Variants in SUV39H2 observed in about 807,000 individuals in gnomAD.
SUV39H2 encodes SUV39H2 histone lysine methyltransferase, also known as histone-lysine N-methyltransferase SUV39H2.
SUV39H2 carries 10 observed loss-of-function variants against 47.5 expected under a neutral mutation model. The ratio of observed to expected loss-of-function variants is 0.21; its 90% CI spans 0.13 to 0.36. The LOEUF is 0.36. Ranked by LOEUF, SUV39H2 falls within the 10% of genes least tolerant of loss-of-function variation. The probability of loss-of-function intolerance (pLI) is 1.00; values close to 1 mark genes in which losing one functional copy is unlikely to be tolerated. For missense variants in SUV39H2, 266 were observed against 487.4 expected, an observed-to-expected ratio of 0.55 and a Z score of 4.28; for synonymous variants, 159 against 166.8, an observed-to-expected ratio of 0.95 and a Z score of 0.36.
chr10:14,886,865 T>C (rs1833226837), intron 2 of SUV39H2, among the ~76,000 whole-genome samples: 1 of 152,198 alleles, frequency 6.6e-6, no homozygotes, highest in South Asian at 2.1e-4. Flanking sequence ...GCACCTTGGA[T>C]AGGTCACAGA....
chr10:14,891,122 G>T (rs1203986995), intron 2 of SUV39H2, among the ~76,000 whole-genome samples: 3 of 152,220 alleles, frequency 2.0e-5, no homozygotes, highest in Admixed American at 2.0e-4. Flanking sequence ...GGGTATGAGA[G>T]ACAGGAAAGA....
chr10:14,895,365 A>G (rs1291154290), intron 2 of SUV39H2, among the ~76,000 whole-genome samples: 3 of 152,022 alleles, frequency 2.0e-5, no homozygotes, highest in East Asian at 1.9e-4. Context: ...TTTAGTAGAC[A>G]GGGTTTCGCC....
chr10:14,900,622 T>C (rs1833940376), intron 4 of SUV39H2, among the ~76,000 whole-genome samples: 1 of 152,250 alleles, frequency 6.6e-6, no homozygotes, highest in Admixed American at 6.5e-5. Context: ...TTTTCTTGCA[T>C]ATTCCGTAAG....
chr10:14,881,446 T>G, intron 1 of SUV39H2, 54 bp from the exon 2 acceptor site: 3 of 1,324,164 alleles, frequency 2.3e-6, no homozygotes, highest in Non-Finnish European at 2.9e-6. Flanking sequence ...TTCTCTTTTT[T>G]GTTTTAATTG....
At chr10:14,897,718 G>A (rs150316699) in intron 3 of SUV39H2, 19 of 379,270 alleles carry the variant, frequency 5.0e-5, no homozygotes, top group Non-Finnish European at 7.3e-5. Context: ...AAAAATATAC[G>A]TTAAAACAAA....
chr10:14,897,499 C>A lies in SUV39H2; in HGVS notation c.831C>A (p.Val277=). Residue 277 remains valine, a synonymous_variant, in exon 3 of 6, where the codon GTC becomes GTA. Coordinates refer to ENST00000354919, the MANE Select transcript of SUV39H2 (RefSeq NM_001193424.2). The stretch of plus-strand genomic sequence containing the variant: ...TGAAGATTAAAAGAATGAGTTTTGT[C>A]ATGGAATATGTTGGAGAGGTATGTT... ...TLVKIKRMSF[V]MEYVGEVITS... 1 of 1,564,020 alleles carries A rather than the reference C, an allele frequency of 6.4e-7. No homozygotes were observed. Among genetic ancestry groups the A allele is most frequent in the South Asian group, 1.2e-5 (1 of 83,464 alleles).
chr10:14,901,381 A>G, intron 5 of SUV39H2, 119 bp downstream of exon 5: 2 of 1,356,362 alleles, frequency 1.5e-6, no homozygotes, highest in Non-Finnish European at 2.0e-6. Context: ...AAGTTGAGGC[A>G]CTAAGTTTGT....
In SUV39H2 at chr10:14,903,832, A is replaced by G. The variant is rs1467928498; in HGVS notation, c.*1320A>G. ...ATTGCTCCAGGCTTTGATTACCTAAAATAAGCTTGGATAAAATTGAACCAA... is the reference window on the plus strand; with the variant it reads ...ATTGCTCCAGGCTTTGATTACCTAAGATAAGCTTGGATAAAATTGAACCAA... On this transcript the variant is annotated 3_prime_UTR_variant, in exon 6 of 6. Coordinates refer to ENST00000354919, the MANE Select transcript of SUV39H2 (RefSeq NM_001193424.2). 1 of 152,214 alleles carries G rather than the reference A, an allele frequency of 6.6e-6. No individual in the cohort carries two copies. Among genetic ancestry groups the G allele is most frequent in the African/African-American group, 2.4e-5 (1 of 41,450 alleles). The allele number at this position is 152,214 out of a possible 1,614,324, so 9.4% of individuals were successfully genotyped here.
At chr10:14,895,180 ATTTTT>A (rs61175237) in intron 2 of SUV39H2, among the ~76,000 whole-genome samples, 18 of 139,658 alleles carry the variant, frequency 1.3e-4, no homozygotes, top group African/African-American at 4.6e-4. Context: ...TTTTACTTTT[ATTTTT>A]TTTTTTTTTG....
rs1340217451 is a variant in SUV39H2, at chr10:14,897,008, G to A, written c.340G>A (p.Asp114Asn). The A allele has an allele frequency of 1.2e-6, 2 of 1,613,908 alleles. No individual in the cohort carries two copies. Among genetic ancestry groups the A allele is most frequent in the African/African-American group, 2.7e-5 (2 of 74,916 alleles). Residue 114 changes from aspartate (D) to asparagine (N), a missense_variant, in exon 3 of 6, where the codon GAC becomes AAC. This residue lies in a region of SUV39H2 where 91 missense variants were observed against 110.9 expected (regional missense o/e 0.82). Transcript: ENST00000354919. The stretch of plus-strand genomic sequence containing the variant: ...GAAAGGCAAAGCAATAACTCCAAAA[G>A]ACAATAACAAAACTTTGAAACCTGC... ...VKKGKAITPK[D>N]NNKTLKPAIA...
chr10:14,902,691 C>T lies in SUV39H2; in HGVS notation c.*179C>T, dbSNP rs922858674. 2.1e-6 allele frequency: 1 copy of T among 478,644 alleles called. No homozygotes were observed. Among genetic ancestry groups the T allele is most frequent in the Non-Finnish European group, 3.8e-6 (1 of 265,282 alleles). 29.6% of individuals were successfully genotyped at this position (478,644 alleles called of 1,614,324 possible). A position where few individuals can be genotyped will look rare whatever the true frequency, so the allele number is the denominator to read the frequency against. ...CTCTGAAAAGGGGGTCACTGGGTCTCATAGACTGATATGAAGTCGACATAT... is the reference window on the plus strand; with the variant it reads ...CTCTGAAAAGGGGGTCACTGGGTCTTATAGACTGATATGAAGTCGACATAT... On this transcript the variant is annotated 3_prime_UTR_variant, in exon 6 of 6. Coordinates refer to ENST00000354919, the MANE Select transcript of SUV39H2 (RefSeq NM_001193424.2).
At chr10:14,884,444 A>G (rs894299433) in intron 2 of SUV39H2, among the ~76,000 whole-genome samples, 11 of 152,260 alleles carry the variant, frequency 7.2e-5, no homozygotes, top group Non-Finnish European at 1.2e-4. Flanking sequence ...TCCTGTGCCT[A>G]TTGGCCATTT....
At chr10:14,885,038 G>A (rs953388202) in intron 2 of SUV39H2, among the ~76,000 whole-genome samples, 10 of 152,006 alleles carry the variant, frequency 6.6e-5, no homozygotes, top group African/African-American at 2.2e-4. Flanking sequence ...TATTCTTTAT[G>A]AACCTCCTTT....
At chr10:14,883,060 G>A (rs1258483723) in intron 2 of SUV39H2, among the ~76,000 whole-genome samples, 1 of 151,858 alleles carries the variant, frequency 6.6e-6, no homozygotes. Flanking sequence ...GTAGAGATGG[G>A]GTTTCACCAT....
At chr10:14,893,088 C>T (rs56869042) in intron 2 of SUV39H2, among the ~76,000 whole-genome samples, 13 of 150,494 alleles carry the variant, frequency 8.6e-5, no homozygotes, top group African/African-American at 2.9e-4. Context: ...CTGCAGGCTC[C>T]GCCCCCTGGG....
At chr10:14,891,214 T>A (rs978059469) in intron 2 of SUV39H2, among the ~76,000 whole-genome samples, 3 of 151,952 alleles carry the variant, frequency 2.0e-5, no homozygotes, top group African/African-American at 7.3e-5. Context: ...CCCTCCTAAT[T>A]AGGGAGAACT....
intron 1 of SUV39H2, chr10:14,879,121 C>A: frequency 7.9e-7 from 1 of 1,266,300 alleles, no homozygotes. Flanking sequence ...CGGCTCCCGC[C>A]GCGGAGGTGG....
intron 2 of SUV39H2, among the ~76,000 whole-genome samples, chr10:14,895,590 C>T (rs986841726): frequency 6.6e-6 from 1 of 152,160 alleles, no homozygotes; most frequent in East Asian, 1.9e-4. Flanking sequence ...GCCAAGGCAT[C>T]GTGGCCAACA....
At chr10:14,888,929 C>T (rs1042856034) in intron 2 of SUV39H2, among the ~76,000 whole-genome samples, 16 of 152,142 alleles carry the variant, frequency 1.1e-4, no homozygotes, top group African/African-American at 3.6e-4. Context: ...CATGGAGAAA[C>T]CCTGTCTCTA....
Sources: gnomAD v4.1 joint callset for allele counts (sites outside exome capture counted in the v4.1 genomes callset) on GRCh38, gnomAD v4.1.1 for gene constraint, gnomAD v4.1.1 regional missense constraint, MANE v1.5 for transcripts, NCBI Gene and HGNC (gene_info 2026-07-23, HGNC 2026-07-21) for gene names.